The following FRMD3 variants were observed in gnomAD, a reference collection of about 807,000 sequenced individuals.
The protein encoded by FRMD3 is FERM domain containing 3, also known as FERM domain-containing protein 3.
In FRMD3, 33 loss-of-function variants were observed where a neutral mutation model predicts 70.2. That is an observed-to-expected ratio of 0.47 (90% confidence interval 0.36 to 0.63). FRMD3 has a LOEUF of 0.63. FRMD3 is among the 20% of genes least tolerant of loss of function. The pLI, the probability that FRMD3 is intolerant of heterozygous loss-of-function variation, is 0.00. For synonymous variants in FRMD3, 279 were observed against 255.9 expected, an observed-to-expected ratio of 1.09 and a Z score of -0.86; for missense variants, 632 against 711.4, an observed-to-expected ratio of 0.89 and a Z score of 1.27.
chr9:83,429,683 T>C (rs1199287643), intron 1 of FRMD3, among the ~76,000 whole-genome samples: 2 of 152,208 alleles, frequency 1.3e-5, no homozygotes, highest in African/African-American at 4.8e-5. Flanking sequence ...GTGTGCATGA[T>C]GCCAGGTGCT....
the FRMD3 span, among the ~76,000 whole-genome samples, chr9:83,544,293 CT>C: frequency 7.9e-5 from 12 of 152,292 alleles, no homozygotes; most frequent in South Asian, 2.5e-3. Flanking sequence ...GTGCAGCCCC[CT>C]GACCCCCTGA....
At chr9:83,549,718 T>C in the FRMD3 span, among the ~76,000 whole-genome samples, 1 of 152,226 alleles carries the variant, frequency 6.6e-6, no homozygotes, top group Non-Finnish European at 1.5e-5. Context: ...GAGCATTTTT[T>C]TCATATGCTT....
chr9:83,297,206 G>C (rs1260133256), intron 12 of FRMD3, among the ~76,000 whole-genome samples: 1 of 152,162 alleles, frequency 6.6e-6, no homozygotes, highest in Non-Finnish European at 1.5e-5. Flanking sequence ...TTGTGTTTGT[G>C]CTACCAGGAG....
chr9:83,439,962 G>A (rs927671938), intron 1 of FRMD3, among the ~76,000 whole-genome samples: 1 of 152,146 alleles, frequency 6.6e-6, no homozygotes, highest in African/African-American at 2.4e-5. Context: ...TTCAAGCAGG[G>A]AACTGCTTTC....
chr9:83,400,154 C>T (rs1825913635), intron 1 of FRMD3, among the ~76,000 whole-genome samples: 1 of 151,948 alleles, frequency 6.6e-6, no homozygotes, highest in Non-Finnish European at 1.5e-5. Flanking sequence ...AAAGAATCTA[C>T]CAAAAAAACC....
At chr9:83,303,025 A>T (rs73481838) in intron 10 of FRMD3, among the ~76,000 whole-genome samples, 1 of 152,036 alleles carries the variant, frequency 6.6e-6, no homozygotes. Flanking sequence ...CCTCTCCCCA[A>T]CCTGCAATTT....
At chr9:83,284,472 G>C (rs924666365) in intron 13 of FRMD3, among the ~76,000 whole-genome samples, 1 of 152,198 alleles carries the variant, frequency 6.6e-6, no homozygotes, top group African/African-American at 2.4e-5. Context: ...GCTGGGCATG[G>C]TGGCGTGTGC....
intron 1 of FRMD3, among the ~76,000 whole-genome samples, chr9:83,399,997 A>C (rs1315288038): frequency 2.7e-5 from 4 of 150,844 alleles, no homozygotes; most frequent in Admixed American, 2.0e-4. Context: ...ACACAAGACA[A>C]GAAAGAAAAA....
At chr9:83,441,524 A>G (rs1827294873) in intron 1 of FRMD3, among the ~76,000 whole-genome samples, 1 of 152,188 alleles carries the variant, frequency 6.6e-6, no homozygotes, top group African/African-American at 2.4e-5. Context: ...TAAAAGCTCA[A>G]GGGCACTGGA....
At chr9:83,405,803 G>A (rs765203327) in intron 1 of FRMD3, among the ~76,000 whole-genome samples, 5 of 151,702 alleles carry the variant, frequency 3.3e-5, no homozygotes, top group Non-Finnish European at 5.9e-5. Flanking sequence ...CTCCCTCCAA[G>A]CCCATGCCTG....
chr9:83,308,024 G>T (rs1466354475), intron 10 of FRMD3, among the ~76,000 whole-genome samples: 1 of 152,120 alleles, frequency 6.6e-6, no homozygotes, highest in Admixed American at 6.5e-5. Context: ...TTGAGGTGGT[G>T]GTGGTCACAG....
intron 12 of FRMD3, among the ~76,000 whole-genome samples, chr9:83,295,592 G>C (rs1056525646): frequency 1.3e-5 from 2 of 152,218 alleles, no homozygotes; most frequent in Admixed American, 1.3e-4. Context: ...TGTTATAGAT[G>C]AGTACGCTGA....
intron 6 of FRMD3, among the ~76,000 whole-genome samples, chr9:83,324,238 A>C (rs1252786207): frequency 6.6e-6 from 1 of 152,250 alleles, no homozygotes; most frequent in African/African-American, 2.4e-5. Context: ...AAAATAGGCA[A>C]AACTGAAGCA....
intron 1 of FRMD3, among the ~76,000 whole-genome samples, chr9:83,414,411 G>T (rs1279298964): frequency 6.6e-6 from 1 of 152,176 alleles, no homozygotes; most frequent in Admixed American, 6.5e-5. Context: ...ACATCATCAT[G>T]AGTTTGGAGT....
At chr9:83,392,128 G>C (rs1305955443) in intron 1 of FRMD3, among the ~76,000 whole-genome samples, 1 of 151,262 alleles carries the variant, frequency 6.6e-6, no homozygotes, top group African/African-American at 2.4e-5. Flanking sequence ...CCTTAACTCA[G>C]AAAAATCAGT....
intron 1 of FRMD3, among the ~76,000 whole-genome samples, chr9:83,493,498 T>G (rs180905530): frequency 6.6e-6 from 1 of 152,368 alleles, no homozygotes; most frequent in African/African-American, 2.4e-5. Flanking sequence ...CTGGCTCCAC[T>G]GAAACCTTAC....
At chr9:83,404,068 G>GCACA (rs10552914) in intron 1 of FRMD3, among the ~76,000 whole-genome samples, 43 of 148,924 alleles carry the variant, frequency 2.9e-4, no homozygotes, top group South Asian at 2.6e-3. Context: ...GCATACACAC[G>GCACA]CACACACACA....
chr9:83,446,847 G>A (rs553654457), intron 1 of FRMD3, among the ~76,000 whole-genome samples: 39 of 152,048 alleles, frequency 2.6e-4, no homozygotes, highest in African/African-American at 8.2e-4. Flanking sequence ...CTAAATTTAC[G>A]GATTCTAAAT....
At chr9:83,275,726 G>A (rs1340416776) in intron 13 of FRMD3, among the ~76,000 whole-genome samples, 2 of 152,138 alleles carry the variant, frequency 1.3e-5, no homozygotes, top group Non-Finnish European at 2.9e-5. Flanking sequence ...CCCATGGTAC[G>A]CTAAACCCTC....
Sources: allele counts gnomAD v4.1 joint callset (sites outside exome capture counted in the v4.1 genomes callset), GRCh38; gene constraint gnomAD v4.1.1; transcripts MANE v1.5; gene names NCBI Gene and HGNC (gene_info 2026-07-23, HGNC 2026-07-21).